NEGR1: variants seen among roughly 807,000 people sequenced by gnomAD.
NEGR1 encodes IgLON family member 4.
Under a neutral mutation model 40.9 loss-of-function variants are expected in NEGR1, and 10 were observed. The observed-to-expected ratio is 0.24, with a 90% CI of 0.15 to 0.42. The LOEUF (loss-of-function observed/expected upper bound fraction) is 0.42. Ranked by LOEUF, NEGR1 falls within the 10% of genes least tolerant of loss-of-function variation. The pLI, the probability that NEGR1 is intolerant of heterozygous loss-of-function variation, is 1.00. For missense variants in NEGR1, 352 were observed against 438.9 expected (o/e 0.80, Z 1.77); for synonymous variants, 185 against 166.8 (o/e 1.11, Z -0.84).
At chr1:71,678,327 T>C (rs1332124257) in intron 4 of NEGR1, among the ~76,000 whole-genome samples, 1 of 152,174 alleles carries the variant, frequency 6.6e-6, no homozygotes, top group Non-Finnish European at 1.5e-5. Context: ...TATTAATAGC[T>C]TTTCTCTTTA....
rs550199386 is a variant in NEGR1 at position 71,572,871 on chromosome 1, C to T, written c.940+19946G>A. On this transcript the variant is annotated intron_variant, in intron 6 of 6. Transcript: ENST00000357731. ...CCTAGAAGAGTAATCAATGAATAGT[C>T]GATAAAGGGTGACCATTTAGATTGG... is the stretch of plus-strand genomic sequence containing the variant. 5.9e-5 allele frequency among the ~76,000 whole-genome samples: 9 copies of T among 151,858 alleles called. No individual in the cohort carries two copies. The South Asian group carries it at 8.3e-4, about 14-fold the overall frequency.
intron 2 of NEGR1, among the ~76,000 whole-genome samples, chr1:71,808,854 T>C (rs781192927): frequency 6.6e-6 from 1 of 152,164 alleles, no homozygotes; most frequent in Non-Finnish European, 1.5e-5. Flanking sequence ...AATCAATGCA[T>C]ACCAACATAG....
intron 1 of NEGR1, among the ~76,000 whole-genome samples, chr1:72,086,687 G>A (rs928921988): frequency 2.0e-5 from 3 of 151,942 alleles, no homozygotes; most frequent in African/African-American, 4.8e-5. Context: ...GTGTTGTTCC[G>A]GTTGATCTGA....
chr1:71,850,141 GTTTGTTT>G (rs1659557189), intron 2 of NEGR1, among the ~76,000 whole-genome samples: 1 of 60,434 alleles, frequency 1.7e-5, no homozygotes, highest in Non-Finnish European at 4.0e-5. Context: ...GTCTTTTTTT[GTTTGTTT>G]GTTTGTTTGT....
At chr1:71,828,411 T>C (rs1048638057) in intron 2 of NEGR1, among the ~76,000 whole-genome samples, 3 of 151,986 alleles carry the variant, frequency 2.0e-5, no homozygotes, top group African/African-American at 7.2e-5. Context: ...AAATAGCACA[T>C]GTATTTTAGG....
chr1:71,989,627 T>C (rs2100355338), intron 1 of NEGR1, among the ~76,000 whole-genome samples: 1 of 152,312 alleles, frequency 6.6e-6, no homozygotes, highest in South Asian at 2.1e-4. Flanking sequence ...TCTGTAACTT[T>C]TGGGAAAATA....
At chr1:72,265,421 T>C (rs907310188) in intron 1 of NEGR1, among the ~76,000 whole-genome samples, 3 of 151,036 alleles carry the variant, frequency 2.0e-5, no homozygotes, top group African/African-American at 7.3e-5. Context: ...ATAACTGAAA[T>C]GTAAACACCC....
At chr1:71,937,529 T>C (rs933485662) in intron 1 of NEGR1, among the ~76,000 whole-genome samples, 2 of 152,176 alleles carry the variant, frequency 1.3e-5, no homozygotes, top group Admixed American at 6.5e-5. Context: ...TGCAAAGCTC[T>C]TGATCACTAG....
intron 1 of NEGR1, among the ~76,000 whole-genome samples, chr1:72,080,440 C>CTATT (rs1647947037): frequency 6.6e-6 from 1 of 151,744 alleles, no homozygotes; most frequent in African/African-American, 2.4e-5. Flanking sequence ...CATTCAAAAA[C>CTATT]TATTTTTCTA....
intron 4 of NEGR1, among the ~76,000 whole-genome samples, chr1:71,636,932 G>A (rs1000023776): frequency 6.6e-6 from 1 of 151,946 alleles, no homozygotes; most frequent in African/African-American, 2.4e-5. Context: ...GGGAAAGACT[G>A]GGGTAAATGT....
At chr1:71,622,206 A>C (rs746664137) in intron 4 of NEGR1, among the ~76,000 whole-genome samples, 1 of 151,824 alleles carries the variant, frequency 6.6e-6, no homozygotes, top group African/African-American at 2.4e-5. Flanking sequence ...TCTTTCTTTC[A>C]ACTTGTTCAT....
At chr1:72,118,679 A>G (rs1649674461) in intron 1 of NEGR1, among the ~76,000 whole-genome samples, 1 of 151,782 alleles carries the variant, frequency 6.6e-6, no homozygotes, top group Non-Finnish European at 1.5e-5. Flanking sequence ...CAGTACTTTT[A>G]AGTACCCAGT....
At chr1:72,135,289 A>T (rs1484257518) in intron 1 of NEGR1, among the ~76,000 whole-genome samples, 1 of 148,446 alleles carries the variant, frequency 6.7e-6, no homozygotes, top group Non-Finnish European at 1.5e-5. Context: ...GGCAGGAGAA[A>T]GGTGTGAACC....
At chr1:71,811,864 T>TTTATTTTATC (rs1658013972) in intron 2 of NEGR1, among the ~76,000 whole-genome samples, 1 of 115,616 alleles carries the variant, frequency 8.6e-6, no homozygotes, top group Non-Finnish European at 1.8e-5. Context: ...ATTTATTTAT[T>TTTATTTTATC]TTATTTTATT....
chr1:71,527,402 ACCAT>A (rs71095944), intron 6 of NEGR1, among the ~76,000 whole-genome samples: 33,812 of 147,754 alleles, frequency 0.23, 4,377 homozygotes, highest in African/African-American at 0.36. Flanking sequence ...CCATCCAACC[ACCAT>A]CCATCCATCC....
intron 6 of NEGR1, among the ~76,000 whole-genome samples, chr1:71,431,792 G>A (rs1646471263): frequency 1.3e-5 from 2 of 152,006 alleles, no homozygotes; most frequent in African/African-American, 2.4e-5. Context: ...GGGAGGGTAG[G>A]GTATTCTTTT....
chr1:71,543,702 T>TG (rs1457381174), intron 6 of NEGR1, among the ~76,000 whole-genome samples: 3 of 151,730 alleles, frequency 2.0e-5, no homozygotes, highest in African/African-American at 7.2e-5. Flanking sequence ...ATCTAGGTTT[T>TG]GCTTGGTCTA....
chr1:72,171,497 C>T (rs1164949879), intron 1 of NEGR1, among the ~76,000 whole-genome samples: 1 of 152,116 alleles, frequency 6.6e-6, no homozygotes, highest in African/African-American at 2.4e-5. Context: ...CATACAAGAA[C>T]CTTCGGCTGA....
intron 1 of NEGR1, among the ~76,000 whole-genome samples, chr1:72,083,024 T>A (rs1237204986): frequency 1.3e-5 from 2 of 152,186 alleles, no homozygotes; most frequent in East Asian, 1.9e-4. Flanking sequence ...AAGTATGCTA[T>A]GAATTTCTTT....
Sources: allele counts gnomAD v4.1 joint callset (sites outside exome capture counted in the v4.1 genomes callset), GRCh38; gene constraint gnomAD v4.1.1; transcripts MANE v1.5; gene names NCBI Gene and HGNC (gene_info 2026-07-23, HGNC 2026-07-21).